ST7: variants seen among roughly 807,000 people sequenced by gnomAD.
The protein encoded by ST7 is suppressor of tumorigenicity 7 protein.
A neutral mutation model predicts 78.7 loss-of-function variants in ST7; 28 were observed. That is an observed-to-expected ratio of 0.36 (90% CI 0.26 to 0.49). The LOEUF (loss-of-function observed/expected upper bound fraction) is 0.49. ST7 is among the 20% of genes least tolerant of loss of function. The pLI, the probability that ST7 is intolerant of heterozygous loss-of-function variation, is 0.99. For synonymous variants in ST7, 247 were observed against 249.6 expected (o/e 0.99, Z 0.10); for missense variants, 418 against 696.0 (o/e 0.60, Z 4.49).
At chr7:117,001,997 G>T (rs1029550272) in intron 1 of ST7, among the ~76,000 whole-genome samples, 1 of 152,056 alleles carries the variant, frequency 6.6e-6, no homozygotes, top group Non-Finnish European at 1.5e-5. Flanking sequence ...AGGCTGAGGC[G>T]GACGGATCAC....
intron 1 of ST7, among the ~76,000 whole-genome samples, chr7:117,064,713 C>A (rs1798539310): frequency 6.6e-6 from 1 of 152,154 alleles, no homozygotes; most frequent in South Asian, 2.1e-4. Context: ...CTGTACATTG[C>A]CTGGTCTGGG....
chr7:117,074,140 C>T (rs1231888312), intron 1 of ST7, among the ~76,000 whole-genome samples: 1 of 152,174 alleles, frequency 6.6e-6, no homozygotes, highest in African/African-American at 2.4e-5. Flanking sequence ...CCTGTAATCC[C>T]AGCACGTTGG....
chr7:117,123,038 A>G (rs1423704560), intron 3 of ST7, among the ~76,000 whole-genome samples: 2 of 152,182 alleles, frequency 1.3e-5, no homozygotes, highest in Non-Finnish European at 2.9e-5. Context: ...TGCCTTAATA[A>G]CAGAAGGGTG....
At chr7:117,153,533 G>A (rs146056399) in intron 9 of ST7, among the ~76,000 whole-genome samples, 34 of 152,210 alleles carry the variant, frequency 2.2e-4, no homozygotes, top group Middle Eastern at 3.4e-3. Flanking sequence ...AAAAAGTTTA[G>A]GACACTGTTG....
At chr7:117,051,575 A>G (rs1010012953) in intron 1 of ST7, among the ~76,000 whole-genome samples, 6 of 152,234 alleles carry the variant, frequency 3.9e-5, no homozygotes, top group Non-Finnish European at 7.3e-5. Context: ...TTAAAACTCA[A>G]CAGGGTCTAA....
At chr7:117,100,104 G>C (rs1801457452) in intron 2 of ST7, among the ~76,000 whole-genome samples, 1 of 152,108 alleles carries the variant, frequency 6.6e-6, no homozygotes, top group Admixed American at 6.5e-5. Context: ...GGAAAATAAA[G>C]GAAGACATAA....
In ST7 at chr7:117,184,573, G is replaced by A. The variant is rs555268597; in HGVS notation, c.1079-4748G>A. On this transcript the variant is annotated intron_variant, in intron 10 of 15. Transcript: ENST00000323984. ...TAAAAGCATGAAGTCATAGCAGGCA[G>A]ACAGAACTGTACAGAACAGATTAGT... Among the ~76,000 whole-genome samples, 26 of 152,298 alleles carry A rather than the reference G, an allele frequency of 1.7e-4. 1 individual carries two copies. In the South Asian group the frequency reaches 4.6e-3, roughly 27 times the overall value.
At chr7:117,018,349 A>G (rs1411252880) in intron 1 of ST7, among the ~76,000 whole-genome samples, 1 of 152,118 alleles carries the variant, frequency 6.6e-6, no homozygotes. Context: ...CACTTCCTAC[A>G]GTTACATTTC....
chr7:117,032,171 C>T (rs1200681079), intron 1 of ST7, among the ~76,000 whole-genome samples: 2 of 151,898 alleles, frequency 1.3e-5, no homozygotes, highest in Non-Finnish European at 2.9e-5. Context: ...AATGAGCCAC[C>T]ACGCCTGGCC....
At chr7:117,170,353 A>G (rs1242538874) in intron 9 of ST7, among the ~76,000 whole-genome samples, 2 of 152,360 alleles carry the variant, frequency 1.3e-5, no homozygotes, top group East Asian at 1.9e-4. Flanking sequence ...AATATTAATT[A>G]TACTTTTAAG....
At chr7:117,156,419 G>A (rs1563128096) in intron 9 of ST7, among the ~76,000 whole-genome samples, 2 of 152,186 alleles carry the variant, frequency 1.3e-5, no homozygotes, top group South Asian at 2.1e-4. Context: ...GTTTTAAATG[G>A]TACAGTGGGC....
intron 1 of ST7, among the ~76,000 whole-genome samples, chr7:117,050,250 G>C (rs924221648): frequency 6.6e-6 from 1 of 151,864 alleles, no homozygotes; most frequent in Non-Finnish European, 1.5e-5. Context: ...AAATATGCCA[G>C]ACCTGTGAGA....
intron 1 of ST7, among the ~76,000 whole-genome samples, chr7:117,037,668 A>G (rs1440967860): frequency 2.0e-5 from 3 of 152,108 alleles, no homozygotes; most frequent in Non-Finnish European, 4.4e-5. Context: ...CTGCTAGCCT[A>G]TGCTTCTGAA....
At chr7:117,031,061 T>C (rs1371624049) in intron 1 of ST7, among the ~76,000 whole-genome samples, 1 of 152,108 alleles carries the variant, frequency 6.6e-6, no homozygotes. Context: ...CTGGAGGCCA[T>C]TATCCTTAGC....
intron 1 of ST7, among the ~76,000 whole-genome samples, chr7:116,960,899 G>A (rs1245256703): frequency 1.3e-5 from 2 of 152,102 alleles, no homozygotes; most frequent in African/African-American, 4.8e-5. Flanking sequence ...GCCCATTCCT[G>A]TGTCCTGAAT....
rs769998988 is a variant in ST7 at position 117,136,062 on chromosome 7, C to T, written c.711-19C>T. ...TCCTTGGCTTTGTAATTGATGGTGGCTATTATCTGAATGAACAGGTGTGCA... is the reference window on the plus strand; with the variant it reads ...TCCTTGGCTTTGTAATTGATGGTGGTTATTATCTGAATGAACAGGTGTGCA... On this transcript the variant is annotated intron_variant, in intron 7 of 15. Coordinates refer to ENST00000323984, the MANE Select transcript of ST7 (RefSeq NM_001369598.1). The T allele has an allele frequency of 8.7e-6, 14 of 1,611,380 alleles. No individual in the cohort carries two copies. The highest frequency in any genetic ancestry group is 1.2e-5 in the Non-Finnish European group (14 of 1,178,412).
intron 1 of ST7, chr7:117,015,081 T>C (rs1795544384): frequency 8.3e-6 from 7 of 845,724 alleles, no homozygotes; most frequent in Non-Finnish European, 1.1e-5. Flanking sequence ...TTTGAATTTA[T>C]ATTTTAAAAA....
chr7:117,164,007 A>C (rs1307476017), intron 9 of ST7, among the ~76,000 whole-genome samples: 1 of 151,856 alleles, frequency 6.6e-6, no homozygotes, highest in Non-Finnish European at 1.5e-5. Context: ...TAGAAATAGA[A>C]AAACAATCCT....
chr7:117,186,317 AG>A, intron 10 of ST7, among the ~76,000 whole-genome samples: 1 of 152,354 alleles, frequency 6.6e-6, no homozygotes, highest in Middle Eastern at 3.4e-3. Flanking sequence ...CAATAAAATA[AG>A]GGTTACTTGA....
Sources: allele counts gnomAD v4.1 joint callset (sites outside exome capture counted in the v4.1 genomes callset), GRCh38; gene constraint gnomAD v4.1.1; transcripts MANE v1.5; gene names NCBI Gene and HGNC (gene_info 2026-07-23, HGNC 2026-07-21).